The following PHF24 variants were observed in gnomAD, a reference collection of about 807,000 sequenced individuals.
PHF24 encodes the protein PHD finger protein 24.
A neutral mutation model predicts 42.6 loss-of-function variants in PHF24; 25 were observed. The ratio of observed to expected loss-of-function variants is 0.59; its 90% CI spans 0.43 to 0.82. The LOEUF (loss-of-function observed/expected upper bound fraction) is 0.82, where lower values mean the gene tolerates loss of function less well. PHF24 is among the 40% of genes least tolerant of loss of function. The pLI, the probability that PHF24 is intolerant of heterozygous loss-of-function variation, is 0.00. For synonymous variants in PHF24, 185 were observed against 204.8 expected (o/e 0.90, Z 0.83); for missense variants, 470 against 538.1 (o/e 0.87, Z 1.25).
the PHF24 span, among the ~76,000 whole-genome samples, chr9:34,720,725 T>C: frequency 1.3e-5 from 2 of 152,136 alleles, no homozygotes; most frequent in Non-Finnish European, 2.9e-5. Flanking sequence ...GCCCTGTTTC[T>C]CCATCTCCAG....
the PHF24 span, among the ~76,000 whole-genome samples, chr9:34,864,560 A>G: frequency 6.6e-6 from 1 of 152,188 alleles, no homozygotes; most frequent in South Asian, 2.1e-4. Context: ...AATATCCTTC[A>G]AAGATGAAGG....
the PHF24 span, chr9:34,833,033 T>C: frequency 6.4e-7 from 1 of 1,551,476 alleles, no homozygotes; most frequent in Non-Finnish European, 8.7e-7. Flanking sequence ...GGGTGTCTTG[T>C]TTGGAAGCAT....
chr9:34,905,551 A>C, the PHF24 span, among the ~76,000 whole-genome samples: 1 of 152,238 alleles, frequency 6.6e-6, no homozygotes, highest in Non-Finnish European at 1.5e-5. Context: ...TAAATATTAT[A>C]TAAAGTTGCT....
chr9:34,779,013 C>T, the PHF24 span, among the ~76,000 whole-genome samples: 2 of 151,924 alleles, frequency 1.3e-5, no homozygotes, highest in Non-Finnish European at 2.9e-5. Flanking sequence ...GCTAAATAAA[C>T]AGTGAGTTAA....
In PHF24 at chr9:34,971,423, G is replaced by C. The variant is rs1056502283; in HGVS notation, c.125G>C (p.Gly42Ala). Residue 42 changes from glycine (G) to alanine (A), a missense_variant, in exon 2 of 8, where the codon GGG becomes GCG. Coordinates refer to ENST00000242315, the Ensembl canonical transcript of PHF24. ...ATCCGACGCACAGGTGAGCTGCCAG[G>C]GTCCCGCCGTGGCACTGTAGAGGGC... 6.2e-7 allele frequency: 1 copy of C among 1,614,176 alleles called. No homozygotes were observed. Among genetic ancestry groups the C allele is most frequent in the Non-Finnish European group, 8.5e-7 (1 of 1,180,036 alleles).
At chr9:34,767,594 A>C in the PHF24 span, among the ~76,000 whole-genome samples, 1 of 152,334 alleles carries the variant, frequency 6.6e-6, no homozygotes, top group Admixed American at 6.5e-5. Flanking sequence ...CCAATTTTCC[A>C]GGTGCCGTCT....
At chr9:34,678,964 T>G in the PHF24 span, among the ~76,000 whole-genome samples, 83 of 152,260 alleles carry the variant, frequency 5.5e-4, no homozygotes, top group African/African-American at 1.9e-3. Flanking sequence ...GTTCTGTCCC[T>G]TTAGAGTTTA....
chr9:34,776,837 G>A, the PHF24 span, among the ~76,000 whole-genome samples: 1 of 148,812 alleles, frequency 6.7e-6, no homozygotes, highest in East Asian at 1.9e-4. Flanking sequence ...AACACAATTG[G>A]TCCCTCTTCC....
chr9:34,687,638 T>C, the PHF24 span, among the ~76,000 whole-genome samples: 1 of 152,192 alleles, frequency 6.6e-6, no homozygotes, highest in African/African-American at 2.4e-5. Context: ...AGGTTCCCAC[T>C]CTCACCTGCC....
At chr9:34,706,945 C>A in the PHF24 span, among the ~76,000 whole-genome samples, 2 of 151,664 alleles carry the variant, frequency 1.3e-5, no homozygotes, top group Admixed American at 1.3e-4. Context: ...AGCTATGATC[C>A]TACCTTTGCA....
the PHF24 span, among the ~76,000 whole-genome samples, chr9:34,718,773 C>T: frequency 6.6e-6 from 1 of 152,244 alleles, no homozygotes; most frequent in African/African-American, 2.4e-5. Context: ...GCCATGGTCC[C>T]TGCCCTCAAC....
At chr9:34,903,324 C>G in the PHF24 span, among the ~76,000 whole-genome samples, 1 of 151,972 alleles carries the variant, frequency 6.6e-6, no homozygotes, top group Admixed American at 6.6e-5. Flanking sequence ...AGATAGGAGC[C>G]CGGGTGGCCA....
chr9:34,962,041 CTGT>C (rs1463464808), intron 1 of PHF24, among the ~76,000 whole-genome samples: 2 of 152,326 alleles, frequency 1.3e-5, no homozygotes, highest in South Asian at 2.1e-4. Context: ...AAGGAGTTTC[CTGT>C]TGGGTCCTAA....
At chr9:34,932,893 A>G in the PHF24 span, among the ~76,000 whole-genome samples, 1 of 151,876 alleles carries the variant, frequency 6.6e-6, no homozygotes, top group African/African-American at 2.4e-5. Context: ...TCTCTTCTCT[A>G]TCACAACCTA....
At chr9:34,879,634 C>T in the PHF24 span, among the ~76,000 whole-genome samples, 546 of 151,932 alleles carry the variant, frequency 3.6e-3, 1 homozygote, top group South Asian at 0.018. Context: ...TGAAATGAAG[C>T]GAGAAGAGAA....
the PHF24 span, among the ~76,000 whole-genome samples, chr9:34,787,439 T>C: frequency 2.6e-5 from 4 of 152,122 alleles, no homozygotes; most frequent in Non-Finnish European, 5.9e-5. Context: ...TGGGAAGATA[T>C]TGGTGGAAGC....
chr9:34,918,503 C>T, the PHF24 span, among the ~76,000 whole-genome samples: 1 of 151,730 alleles, frequency 6.6e-6, no homozygotes, highest in Non-Finnish European at 1.5e-5. Context: ...AATAAAAATA[C>T]TTTTAAAGTG....
the PHF24 span, among the ~76,000 whole-genome samples, chr9:34,682,161 T>TG: frequency 6.8e-6 from 1 of 148,074 alleles, no homozygotes; most frequent in African/African-American, 2.5e-5. Context: ...TTTTTTTTTT[T>TG]TTTTTTTTTT....
the PHF24 span, chr9:34,666,000 TC>T: frequency 5.1e-6 from 2 of 391,132 alleles, no homozygotes; most frequent in Non-Finnish European, 4.7e-6. Context: ...CTGAGAGGGG[TC>T]AGCGCAGCCT....
Sources: allele counts gnomAD v4.1 joint callset (sites outside exome capture counted in the v4.1 genomes callset), GRCh38; gene constraint gnomAD v4.1.1; transcripts MANE v1.5; gene names NCBI Gene and HGNC (gene_info 2026-07-23, HGNC 2026-07-21).